HMGXB4: variants seen among roughly 807,000 people sequenced by gnomAD.
HMGXB4 encodes HMG-box containing 4, also known as HMG domain-containing protein 4.
A neutral mutation model predicts 63.9 loss-of-function variants in HMGXB4; 27 were observed. The ratio of observed to expected loss-of-function variants is 0.42; its 90% CI spans 0.31 to 0.58. The LOEUF (loss-of-function observed/expected upper bound fraction) is 0.58. Among genes scored for constraint, HMGXB4 ranks in the 20% least tolerant of loss-of-function variants. The probability of loss-of-function intolerance (pLI) is 0.13; values close to 1 mark genes in which losing one functional copy is unlikely to be tolerated. For missense variants in HMGXB4, 624 were observed against 700.7 expected, an observed-to-expected ratio of 0.89 and a Z score of 1.24; for synonymous variants, 264 against 265.3, an observed-to-expected ratio of 0.99 and a Z score of 0.05.
intron 10 of HMGXB4, 99 bp from the exon 11 acceptor site, chr22:35,293,508 C>G (rs1925051430): frequency 1.2e-6 from 1 of 817,454 alleles, no homozygotes. Context: ...TTTTCTAACT[C>G]CATTTGATTT....
intron 5 of HMGXB4, among the ~76,000 whole-genome samples, chr22:35,277,724 G>A (rs1424381206): frequency 6.6e-6 from 1 of 152,114 alleles, no homozygotes; most frequent in Non-Finnish European, 1.5e-5. Flanking sequence ...GCAGCTTTAG[G>A]TTAGCAAAAT....
chr22:35,282,330 CCAT>C (rs1924307846), intron 5 of HMGXB4, among the ~76,000 whole-genome samples: 2 of 152,162 alleles, frequency 1.3e-5, no homozygotes, highest in Non-Finnish European at 2.9e-5. Flanking sequence ...GCGCCCACCA[CCAT>C]GCCCGGCTAA....
chr22:35,293,524 ATC>A (rs1925052416), intron 10 of HMGXB4, 81 bp from the exon 11 acceptor site: 4 of 909,644 alleles, frequency 4.4e-6, no homozygotes, highest in Admixed American at 3.9e-5. Context: ...GATTTTTCTT[ATC>A]TCTCTCCTTG....
Position 35,264,682 on chromosome 22 carries a change from G to GA in HMGXB4, c.299dup (p.Ser101ValfsTer7). 6.3e-7 allele frequency: 1 copy of GA among 1,579,310 alleles called. No homozygotes were observed. The highest frequency in any genetic ancestry group is 8.6e-7 in the Non-Finnish European group (1 of 1,167,020). On this transcript the variant is annotated frameshift_variant, in exon 5 of 11. Transcript: ENST00000216106. LOFTEE classifies it high-confidence loss of function. ...CTTTGGAATCGTCACAGAAGAAAAAGAAAAAGTCCAGCCCACAGTCTACTG... is the reference window on the plus strand; with the variant it reads ...CTTTGGAATCGTCACAGAAGAAAAAGAAAAAAGTCCAGCCCACAGTCTACTG...
At chr22:35,288,111 G>T (rs1924705193) in intron 8 of HMGXB4, 127 bp from the exon 9 acceptor site, 1 of 655,400 alleles carries the variant, frequency 1.5e-6, no homozygotes, top group Admixed American at 3.5e-5. Context: ...ACTGAATTTA[G>T]CCCACAGGCC....
chr22:35,242,533 C>T, the HMGXB4 span, among the ~76,000 whole-genome samples: 11 of 140,184 alleles, frequency 7.8e-5, no homozygotes, highest in African/African-American at 2.8e-4. Context: ...GTAATCTGCT[C>T]TCTCTCTCTC....
At chr22:35,263,386 C>T (rs1487166804) in intron 3 of HMGXB4, among the ~76,000 whole-genome samples, 160 bp downstream of exon 3, 3 of 151,258 alleles carry the variant, frequency 2.0e-5, no homozygotes, top group South Asian at 2.1e-4. Flanking sequence ...CAGGTTCAAG[C>T]GTTTCTCTTG....
At chr22:35,273,830 G>A (rs1049861383) in intron 5 of HMGXB4, among the ~76,000 whole-genome samples, 3 of 152,122 alleles carry the variant, frequency 2.0e-5, no homozygotes, top group Admixed American at 6.5e-5. Context: ...ACTAAAAGAA[G>A]GACCAGTGAG....
In HMGXB4 at chr22:35,265,720, G is replaced by A. The variant is rs977250362; in HGVS notation, c.1215+117G>A. ...ACCACTGGGAATTAAGCATGTTTGG[G>A]GGATATGTTGGAATGATATAAAGTA... On this transcript the variant is annotated intron_variant, in intron 5 of 10. Coordinates refer to ENST00000216106, the MANE Select transcript of HMGXB4 (RefSeq NM_001003681.3). 6 of 1,330,382 alleles carry A rather than the reference G, an allele frequency of 4.5e-6. No homozygotes were observed. The African/African-American group carries it at 8.9e-5, about 20-fold the overall frequency. The allele number at this position is 1,330,382 out of a possible 1,614,324, so 82.4% of individuals were successfully genotyped here.
At chr22:35,291,303 G>T (rs181002212) in intron 9 of HMGXB4, among the ~76,000 whole-genome samples, 52 of 152,172 alleles carry the variant, frequency 3.4e-4, no homozygotes, top group Non-Finnish European at 6.8e-4. Flanking sequence ...TGTGTGTGGC[G>T]TGTGGTGTGT....
chr22:35,287,327 G>C lies in HMGXB4; in HGVS notation c.1363-20G>C, dbSNP rs758505540. ...TTTGTCCTTCTTAATTTAATTTAAT[G>C]TTCACTGATGTGATTGCAGATTTGG... is the stretch of plus-strand genomic sequence containing the variant. On this transcript the variant is annotated intron_variant, in intron 7 of 10. Transcript: ENST00000216106. The C allele has an allele frequency of 7.7e-6, 12 of 1,562,902 alleles. No individual in the cohort carries two copies. The highest frequency in any genetic ancestry group is 1.1e-5 in the Non-Finnish European group (12 of 1,137,708).
At chr22:35,291,208 G>A (rs1348270335) in intron 9 of HMGXB4, among the ~76,000 whole-genome samples, 1 of 151,444 alleles carries the variant, frequency 6.6e-6, no homozygotes, top group Non-Finnish European at 1.5e-5. Context: ...GTTGCAGTGA[G>A]CCGAGATCAC....
chr22:35,270,963 T>C (rs542926479), intron 5 of HMGXB4, among the ~76,000 whole-genome samples: 2 of 152,166 alleles, frequency 1.3e-5, no homozygotes, highest in Non-Finnish European at 2.9e-5. Flanking sequence ...AAAAAAGAAC[T>C]GTATAAAAGT....
the HMGXB4 span, among the ~76,000 whole-genome samples, chr22:35,247,801 G>A: frequency 5.3e-5 from 8 of 152,064 alleles, no homozygotes; most frequent in African/African-American, 1.9e-4. Flanking sequence ...TCTGGTCCCT[G>A]TTACTCCAAC....
intron 7 of HMGXB4, 192 bp from the exon 8 acceptor site, chr22:35,287,155 T>C: frequency 1.8e-6 from 1 of 554,444 alleles, no homozygotes; most frequent in Non-Finnish European, 3.3e-6. Flanking sequence ...TATAGTCCTT[T>C]ACTAAGATAT....
chr22:35,273,092 GTC>G (rs1305776339), intron 5 of HMGXB4, among the ~76,000 whole-genome samples: 1 of 152,168 alleles, frequency 6.6e-6, no homozygotes, highest in East Asian at 1.9e-4. Context: ...ATAAACAAAA[GTC>G]TGAAACATAA....
chr22:35,259,404 A>G (rs1483397349), intron 1 of HMGXB4, among the ~76,000 whole-genome samples: 5 of 152,226 alleles, frequency 3.3e-5, no homozygotes, highest in Non-Finnish European at 5.9e-5. Flanking sequence ...CCAACATTTA[A>G]TGTAATTATG....
intron 1 of HMGXB4, among the ~76,000 whole-genome samples, chr22:35,261,453 TC>T (rs969583929): frequency 7.7e-6 from 1 of 129,732 alleles, no homozygotes; most frequent in African/African-American, 2.6e-5. Flanking sequence ...AAAAAAAAAA[TC>T]CTTTTACCTT....
At chr22:35,289,889 G>C (rs924501170) in intron 9 of HMGXB4, among the ~76,000 whole-genome samples, 11 of 152,212 alleles carry the variant, frequency 7.2e-5, no homozygotes, top group African/African-American at 2.4e-4. Context: ...GTCAGTCTAA[G>C]CTACTAAAGC....
Sources: gnomAD v4.1 joint callset for allele counts (sites outside exome capture counted in the v4.1 genomes callset) on GRCh38, gnomAD v4.1.1 for gene constraint, MANE v1.5 for transcripts, NCBI Gene and HGNC (gene_info 2026-07-23, HGNC 2026-07-21) for gene names.